MLIP: variants seen among roughly 807,000 people sequenced by gnomAD.
MLIP encodes the protein muscular LMNA interacting protein.
MLIP carries 79 observed loss-of-function variants against 84.8 expected under a neutral mutation model. That is an observed-to-expected ratio of 0.93 (90% CI 0.78 to 1.12). The LOEUF is 1.12. MLIP is among the 50% of genes most tolerant of loss of function. The probability of loss-of-function intolerance (pLI) is 0.00; values close to 1 mark genes in which losing one functional copy is unlikely to be tolerated. For synonymous variants in MLIP, 504 were observed against 463.0 expected, an observed-to-expected ratio of 1.09 and a Z score of -1.14; for missense variants, 1,257 against 1,160.6, an observed-to-expected ratio of 1.08 and a Z score of -1.21.
At chr6:54,215,312 T>C in intron 11 of MLIP, 1 of 1,381,738 alleles carries the variant, frequency 7.2e-7, no homozygotes, top group Non-Finnish European at 9.3e-7. Flanking sequence ...ACATGGGCTC[T>C]TGTGATTTTT....
intron 13 of MLIP, among the ~76,000 whole-genome samples, chr6:54,265,258 T>C (rs1783620233): frequency 3.3e-5 from 5 of 152,136 alleles, no homozygotes; most frequent in Admixed American, 3.3e-4. Context: ...TTTTCTTTTA[T>C]ACTTTCTTTT....
intron 11 of MLIP, among the ~76,000 whole-genome samples, chr6:54,219,303 T>A (rs948088260): frequency 1.3e-5 from 2 of 150,998 alleles, no homozygotes; most frequent in African/African-American, 4.8e-5. Flanking sequence ...ATATCTTTAA[T>A]CTATAAGCTT....
chr6:54,157,778 T>G (rs1283171794), intron 5 of MLIP, among the ~76,000 whole-genome samples: 1 of 152,166 alleles, frequency 6.6e-6, no homozygotes, highest in South Asian at 2.1e-4. Flanking sequence ...GTTATTTTTA[T>G]GAAATTTTCA....
At chr6:54,220,812 T>C (rs2150770811) in intron 11 of MLIP, among the ~76,000 whole-genome samples, 1 of 152,216 alleles carries the variant, frequency 6.6e-6, no homozygotes, top group South Asian at 2.1e-4. Context: ...AAAACACTGT[T>C]TTATGAGAAA....
At chr6:54,201,056 A>T (rs1778644135) in intron 10 of MLIP, among the ~76,000 whole-genome samples, 1 of 152,160 alleles carries the variant, frequency 6.6e-6, no homozygotes, top group Non-Finnish European at 1.5e-5. Context: ...CTTTTTATTA[A>T]ATTATTGTTT....
In MLIP at chr6:54,265,161, A is replaced by C. The variant is rs1271271301; in HGVS notation, c.2977-789A>C. 2.6e-5 allele frequency among the ~76,000 whole-genome samples: 4 copies of C among 152,126 alleles called. No homozygotes were observed. In the East Asian group the frequency reaches 7.7e-4, roughly 29 times the overall value. On this transcript the variant is annotated intron_variant, in intron 13 of 13. Coordinates refer to ENST00000502396, the MANE Select transcript of MLIP (RefSeq NM_001281747.2). ...AACCTGGAAATAGAAAGTTCTGGTC[A>C]GTTCCTCCATTGGTGTTATTCCGTC... is the stretch of plus-strand genomic sequence containing the variant.
intron 1 of MLIP, among the ~76,000 whole-genome samples, chr6:54,118,842 A>G (rs1467210061): frequency 6.6e-6 from 1 of 152,228 alleles, no homozygotes; most frequent in Non-Finnish European, 1.5e-5. Flanking sequence ...ATCCAATTAA[A>G]AAACAGGCAA....
chr6:54,213,707 C>CAAAAAAAAAA (rs1219772069), intron 11 of MLIP, among the ~76,000 whole-genome samples: 4 of 8,472 alleles, frequency 4.7e-4, no homozygotes, highest in East Asian at 3.1e-3. Context: ...GACTTTGTCT[C>CAAAAAAAAAA]AAAAAAAAAA....
chr6:54,216,096 C>G (rs1779836790), intron 11 of MLIP: 1 of 930,640 alleles, frequency 1.1e-6, no homozygotes, highest in Non-Finnish European at 1.3e-6. Context: ...GTTGCCATAT[C>G]TAATTGTTAA....
intron 13 of MLIP, among the ~76,000 whole-genome samples, chr6:54,265,517 C>T (rs1036164871): frequency 1.3e-5 from 2 of 152,132 alleles, no homozygotes; most frequent in Non-Finnish European, 2.9e-5. Flanking sequence ...GGACTTAATT[C>T]AATCCCTATT....
At chr6:54,023,695 G>A (rs1239606149) in intron 1 of MLIP, among the ~76,000 whole-genome samples, 4 of 150,162 alleles carry the variant, frequency 2.7e-5, no homozygotes, top group Admixed American at 1.3e-4. Context: ...TCAGCTTCCC[G>A]GGTAGCTGGG....
intron 13 of MLIP, among the ~76,000 whole-genome samples, chr6:54,260,221 T>C (rs1430913817): frequency 1.3e-5 from 2 of 151,922 alleles, no homozygotes; most frequent in African/African-American, 4.8e-5. Context: ...AGATTTGACT[T>C]ACTCATCATT....
At position 54,117,712 on chromosome 6, in the gene MLIP, C is replaced by T. The variant is rs562069602; in HGVS notation, c.97-3735C>T. ...CTGTAATCCCAGCACTTTGGGAGGCCGAGATGGGCGGATCACGAGATCAGG... is the reference window on the plus strand; with the variant it reads ...CTGTAATCCCAGCACTTTGGGAGGCTGAGATGGGCGGATCACGAGATCAGG... On this transcript the variant is annotated intron_variant, in intron 1 of 13. Coordinates refer to ENST00000502396, the MANE Select transcript of MLIP (RefSeq NM_001281747.2). Among the ~76,000 whole-genome samples the T allele has an allele frequency of 9.2e-5, 14 of 151,362 alleles. No individual in the cohort carries two copies. The South Asian group carries it at 1.1e-3, about 11-fold the overall frequency.
At chr6:54,248,534 G>A (rs1782240672) in intron 12 of MLIP, among the ~76,000 whole-genome samples, 1 of 152,134 alleles carries the variant, frequency 6.6e-6, no homozygotes, top group South Asian at 2.1e-4. Context: ...GATGAAAAAT[G>A]TAAGTCAACA....
chr6:54,256,333 G>A (rs1384718808), intron 12 of MLIP, among the ~76,000 whole-genome samples: 1 of 152,098 alleles, frequency 6.6e-6, no homozygotes, highest in African/African-American at 2.4e-5. Context: ...CTAAATTACT[G>A]GCCTCCTTCA....
chr6:54,108,956 C>A (rs1175886405), upstream of MLIP, among the ~76,000 whole-genome samples: 3 of 151,856 alleles, frequency 2.0e-5, no homozygotes, highest in African/African-American at 7.3e-5. Context: ...TCTTGGAGAA[C>A]CACACTAGAA....
At chr6:54,074,014 A>G (rs899771495) in intron 1 of MLIP, among the ~76,000 whole-genome samples, 1 of 152,206 alleles carries the variant, frequency 6.6e-6, no homozygotes, top group African/African-American at 2.4e-5. Flanking sequence ...AAACCAATGT[A>G]AGTTTTACTT....
chr6:54,224,409 CAAAAGAAAA>C (rs1780432587), intron 11 of MLIP, among the ~76,000 whole-genome samples: 1 of 149,772 alleles, frequency 6.7e-6, no homozygotes, highest in Non-Finnish European at 1.5e-5. Context: ...AACCAATTAC[CAAAAGAAAA>C]ACTGAAAAAA....
chr6:54,191,874 A>G (rs1219538680), intron 10 of MLIP, among the ~76,000 whole-genome samples: 1 of 152,092 alleles, frequency 6.6e-6, no homozygotes, highest in East Asian at 1.9e-4. Flanking sequence ...TCAGTATAGT[A>G]TATAAAATAT....
Sources: allele counts gnomAD v4.1 joint callset (sites outside exome capture counted in the v4.1 genomes callset), GRCh38; gene constraint gnomAD v4.1.1; transcripts MANE v1.5; gene names NCBI Gene and HGNC (gene_info 2026-07-23, HGNC 2026-07-21).